The following ADGRB3 variants were observed in gnomAD, a reference collection of about 807,000 sequenced individuals.
The protein encoded by ADGRB3 is adhesion G protein-coupled receptor B3, also known as brain-specific angiogenesis inhibitor 3.
In ADGRB3, 37 loss-of-function variants were observed where a neutral mutation model predicts 193.4. That is an observed-to-expected ratio of 0.19 (90% CI 0.15 to 0.25). ADGRB3 has a LOEUF of 0.25. Ranked by LOEUF, ADGRB3 falls within the 10% of genes least tolerant of loss-of-function variation. The pLI is 1.00. For missense variants in ADGRB3, 1,637 were observed against 1,852.9 expected (o/e 0.88, Z 2.14); for synonymous variants, 690 against 644.2 (o/e 1.07, Z -1.08).
chr6:69,271,437 A>T (rs1767175657), intron 20 of ADGRB3, among the ~76,000 whole-genome samples: 1 of 152,200 alleles, frequency 6.6e-6, no homozygotes, highest in African/African-American at 2.4e-5. Flanking sequence ...ATTAAGATTA[A>T]TCCAATATTG....
intron 5 of ADGRB3, among the ~76,000 whole-genome samples, chr6:68,940,576 G>GT (rs59379801): frequency 0.99 from 114,391 of 115,636 alleles, 56,576 homozygotes; most frequent in Middle Eastern, 0.99. Flanking sequence ...TTTGCTAAAT[G>GT]TATAGTTCTT....
chr6:68,710,491 G>A, intron 3 of ADGRB3, among the ~76,000 whole-genome samples: 1 of 152,144 alleles, frequency 6.6e-6, no homozygotes. Flanking sequence ...CCTGGCTGCA[G>A]ATGTGCTTTT....
intron 3 of ADGRB3, among the ~76,000 whole-genome samples, chr6:68,856,804 T>C (rs760882211): frequency 6.6e-6 from 1 of 152,176 alleles, no homozygotes; most frequent in African/African-American, 2.4e-5. Context: ...GGAAAATGTC[T>C]CCAGGGCATG....
intron 20 of ADGRB3, among the ~76,000 whole-genome samples, chr6:69,248,154 A>G (rs1320508993): frequency 6.6e-6 from 1 of 152,154 alleles, no homozygotes; most frequent in Non-Finnish European, 1.5e-5. Context: ...ATTTCTCCCT[A>G]TGTATTATTT....
intron 3 of ADGRB3, among the ~76,000 whole-genome samples, chr6:68,929,153 A>G (rs767566029): frequency 3.1e-4 from 47 of 152,178 alleles, no homozygotes; most frequent in Non-Finnish European, 4.9e-4. Flanking sequence ...ACATTTTGTT[A>G]TTGATAAGCA....
At chr6:69,253,746 A>G (rs1766681562) in intron 20 of ADGRB3, among the ~76,000 whole-genome samples, 1 of 152,106 alleles carries the variant, frequency 6.6e-6, no homozygotes, top group Non-Finnish European at 1.5e-5. Flanking sequence ...TATGTTTTCT[A>G]AAGCAGAGTA....
intron 6 of ADGRB3, among the ~76,000 whole-genome samples, chr6:68,951,075 A>G (rs925439907): frequency 6.6e-6 from 1 of 152,166 alleles, no homozygotes; most frequent in Non-Finnish European, 1.5e-5. Flanking sequence ...TCCTGAACAC[A>G]GATCTTCACA....
chr6:68,674,608 G>A (rs1253495574), intron 3 of ADGRB3, among the ~76,000 whole-genome samples: 1 of 152,120 alleles, frequency 6.6e-6, no homozygotes, highest in Non-Finnish European at 1.5e-5. Flanking sequence ...CATGCAAAGG[G>A]AAAATCGATT....
At chr6:68,639,998 C>A (rs146021492) in intron 3 of ADGRB3, among the ~76,000 whole-genome samples, 1 of 152,130 alleles carries the variant, frequency 6.6e-6, no homozygotes, top group Non-Finnish European at 1.5e-5. Context: ...AGGTGTACCC[C>A]CCTTCTCCCC....
chr6:69,114,608 G>T (rs1443785951), intron 17 of ADGRB3, among the ~76,000 whole-genome samples: 1 of 152,102 alleles, frequency 6.6e-6, no homozygotes, highest in Non-Finnish European at 1.5e-5. Context: ...GATTGGTATT[G>T]CCTAGGCTTT....
chr6:68,762,394 G>T (rs1362509160), intron 3 of ADGRB3, among the ~76,000 whole-genome samples: 1 of 151,986 alleles, frequency 6.6e-6, no homozygotes, highest in Non-Finnish European at 1.5e-5. Context: ...TTGACTAAGA[G>T]CTAAATCTTA....
intron 20 of ADGRB3, among the ~76,000 whole-genome samples, chr6:69,265,388 A>G: frequency 6.6e-6 from 1 of 151,880 alleles, no homozygotes; most frequent in East Asian, 1.9e-4. Flanking sequence ...CGTCCACAAG[A>G]AAACTCTTTA....
chr6:68,899,462 C>CCCCAT (rs1250497250), intron 3 of ADGRB3, among the ~76,000 whole-genome samples: 3 of 128,554 alleles, frequency 2.3e-5, no homozygotes, highest in Non-Finnish European at 4.7e-5. Context: ...CCACAACAGT[C>CCCCAT]CCCAGAGTGT....
At chr6:69,080,433 A>G (rs1465031385) in intron 17 of ADGRB3, among the ~76,000 whole-genome samples, 1 of 152,054 alleles carries the variant, frequency 6.6e-6, no homozygotes, top group Non-Finnish European at 1.5e-5. Flanking sequence ...GAGTGGGACC[A>G]AACTAAGATG....
At chr6:69,289,860 A>G (rs924096996) in intron 20 of ADGRB3, among the ~76,000 whole-genome samples, 5 of 151,742 alleles carry the variant, frequency 3.3e-5, no homozygotes, top group African/African-American at 1.2e-4. Context: ...ATATCACAGA[A>G]TTGGCACACT....
At chr6:68,746,879 C>T (rs943209454) in intron 3 of ADGRB3, among the ~76,000 whole-genome samples, 1 of 151,928 alleles carries the variant, frequency 6.6e-6, no homozygotes, top group African/African-American at 2.4e-5. Flanking sequence ...TTTGCTTTCC[C>T]TTGTGGTTTT....
chr6:69,232,269 A>ATTTTTTTTTTTTT, intron 17 of ADGRB3: 1 of 415,352 alleles, frequency 2.4e-6, no homozygotes, highest in Non-Finnish European at 3.9e-6. Flanking sequence ...GCTCTATAGC[A>ATTTTTTTTTTTTT]TTTTTTTTTT....
intron 17 of ADGRB3, among the ~76,000 whole-genome samples, chr6:69,229,541 TAATA>T (rs1759349594): frequency 6.6e-6 from 1 of 152,184 alleles, no homozygotes; most frequent in African/African-American, 2.4e-5. Flanking sequence ...AACTTATTCA[TAATA>T]AATAATTTAC....
At chr6:68,998,518 A>C (rs187514040) in intron 11 of ADGRB3, among the ~76,000 whole-genome samples, 13 of 152,336 alleles carry the variant, frequency 8.5e-5, no homozygotes, top group African/African-American at 3.1e-4. Flanking sequence ...TAAAATGGGC[A>C]CAGTTACTTC....
Sources: gnomAD v4.1 joint callset for allele counts (sites outside exome capture counted in the v4.1 genomes callset) on GRCh38, gnomAD v4.1.1 for gene constraint, MANE v1.5 for transcripts, NCBI Gene and HGNC (gene_info 2026-07-23, HGNC 2026-07-21) for gene names.